The following MRPL45 variants were observed in gnomAD, a reference collection of about 807,000 sequenced individuals.
MRPL45 encodes the protein large ribosomal subunit protein mL45.
A neutral mutation model predicts 38.1 loss-of-function variants in MRPL45; 20 were observed. That is an observed-to-expected ratio of 0.53 (90% CI 0.37 to 0.76). The LOEUF is 0.76. Among genes scored for constraint, MRPL45 ranks in the 30% least tolerant of loss-of-function variants. The pLI is 0.00. For missense variants in MRPL45, 337 were observed against 395.6 expected (o/e 0.85, Z 1.26); for synonymous variants, 105 against 128.8 (o/e 0.82, Z 1.25).
At chr17:38,313,353 T>TATATAC (rs2037142131) in intron 4 of MRPL45, among the ~76,000 whole-genome samples, 2 of 19,086 alleles carry the variant, frequency 1.0e-4, no homozygotes, top group African/African-American at 4.8e-4. Flanking sequence ...TATACGTATA[T>TATATAC]ATATATATAT....
intron 5 of MRPL45, among the ~76,000 whole-genome samples, chr17:38,318,943 T>A (rs2060585963): frequency 6.6e-6 from 1 of 151,198 alleles, no homozygotes; most frequent in Non-Finnish European, 1.5e-5. Flanking sequence ...TTCTCCTGCC[T>A]CATCCTCCCA....
chr17:38,297,344 G>T (rs1396275128), intron 1 of MRPL45, 95 bp downstream of exon 1: 19 of 1,205,836 alleles, frequency 1.6e-5, no homozygotes, highest in Non-Finnish European at 2.2e-5. Context: ...GGTGAGCTGG[G>T]ACAATACGAG....
chr17:38,300,316 G>A (rs901845097), intron 3 of MRPL45, among the ~76,000 whole-genome samples: 21 of 151,452 alleles, frequency 1.4e-4, no homozygotes, highest in Non-Finnish European at 2.7e-4. Flanking sequence ...GCGCCCAGCC[G>A]ACCTGGCTAA....
chr17:38,307,240 T>G (rs374198869), intron 4 of MRPL45, among the ~76,000 whole-genome samples: 4 of 152,096 alleles, frequency 2.6e-5, no homozygotes, highest in African/African-American at 9.7e-5. Context: ...TTCATCATGT[T>G]GGCCAGACTG....
chr17:38,313,362 ATATACG>A (rs1321996437), intron 4 of MRPL45, among the ~76,000 whole-genome samples: 14 of 20,104 alleles, frequency 7.0e-4, no homozygotes, highest in African/African-American at 2.3e-3. Flanking sequence ...ATATATATAT[ATATACG>A]TATATATATA....
intron 5 of MRPL45, among the ~76,000 whole-genome samples, chr17:38,320,279 A>T (rs2037216805): frequency 6.6e-6 from 1 of 152,184 alleles, no homozygotes; most frequent in Admixed American, 6.5e-5. Flanking sequence ...AAGTACATGC[A>T]ATAATTGCCA....
intron 3 of MRPL45, among the ~76,000 whole-genome samples, chr17:38,301,533 G>A (rs1251545957): frequency 6.6e-6 from 1 of 152,004 alleles, no homozygotes; most frequent in Non-Finnish European, 1.5e-5. Context: ...GAGCCACCAC[G>A]CTGGGCTATC....
chr17:38,320,373 G>T (rs1437506967), intron 5 of MRPL45, among the ~76,000 whole-genome samples: 1 of 152,152 alleles, frequency 6.6e-6, no homozygotes, highest in Non-Finnish European at 1.5e-5. Flanking sequence ...TTAAAGAAGG[G>T]TCCTCAAAGA....
Position 38,307,288 on chromosome 17 carries a change from G to A in MRPL45, c.461+657G>A, listed in dbSNP as rs187508761. 2.1e-3 allele frequency among the ~76,000 whole-genome samples: 312 copies of A among 151,172 alleles called. 3 individuals carry two copies. Among genetic ancestry groups the A allele is most frequent in the East Asian group, 1.4e-3 (7 of 5,148 alleles). The stretch of plus-strand genomic sequence containing the variant: ...TGACCTCAGGCAACCTGCCCGCCTC[G>A]GCCTCCCAAAGTGCTAGGATTACAG... On this transcript the variant is annotated intron_variant, in intron 4 of 7. Transcript: ENST00000613675.
intron 4 of MRPL45, among the ~76,000 whole-genome samples, chr17:38,316,695 A>G (rs1184251537): frequency 1.6e-5 from 2 of 126,880 alleles, no homozygotes; most frequent in Non-Finnish European, 3.2e-5. Flanking sequence ...GTAGTCCCAG[A>G]ATCTCACTCT....
At chr17:38,302,639 A>G (rs955653752) in intron 3 of MRPL45, among the ~76,000 whole-genome samples, 2 of 151,598 alleles carry the variant, frequency 1.3e-5, no homozygotes, top group African/African-American at 4.9e-5. Flanking sequence ...GATTTTGTCA[A>G]ATGCTTTTTT....
At chr17:38,321,038 G>A (rs1318903581) in intron 6 of MRPL45, among the ~76,000 whole-genome samples, 2 of 151,958 alleles carry the variant, frequency 1.3e-5, no homozygotes, top group East Asian at 3.9e-4. Flanking sequence ...GTGCAGTGAT[G>A]TGATTGTGGC....
intron 5 of MRPL45, among the ~76,000 whole-genome samples, chr17:38,319,229 G>A (rs2037207265): frequency 6.6e-6 from 1 of 151,884 alleles, no homozygotes; most frequent in African/African-American, 2.4e-5. Context: ...TAGAGACGGG[G>A]TTTCACTGTG....
intron 7 of MRPL45, 87 bp from the exon 8 acceptor site, chr17:38,322,422 G>C: frequency 9.4e-7 from 1 of 1,062,216 alleles, no homozygotes; most frequent in Non-Finnish European, 1.4e-6. Context: ...AAGGCCGGGT[G>C]GGTGGGTGGG....
intron 2 of MRPL45, 122 bp from the exon 3 acceptor site, chr17:38,299,229 G>A: frequency 1.6e-6 from 1 of 635,318 alleles, no homozygotes; most frequent in South Asian, 2.1e-5. Flanking sequence ...CTCTCTACAT[G>A]GAAGTCTGTT....
chr17:38,299,135 G>T (rs573849605), intron 2 of MRPL45, among the ~76,000 whole-genome samples: 50 of 150,530 alleles, frequency 3.3e-4, no homozygotes, highest in Non-Finnish European at 6.5e-4. Context: ...TGATCCGCCC[G>T]CCTCGGCCTC....
At chr17:38,317,207 A>G (rs1356031095) in intron 4 of MRPL45, among the ~76,000 whole-genome samples, 1 of 152,214 alleles carries the variant, frequency 6.6e-6, no homozygotes, top group African/African-American at 2.4e-5. Context: ...CTTCTATGCC[A>G]GGATAGTGGG....
rs1263138732 is a variant in MRPL45 at position 38,318,608 on chromosome 17, A to AT, written c.462-75dup. The stretch of plus-strand genomic sequence containing the variant: ...CATTTGTAAAAATGAATTGTTTTCC[A>AT]TTTTCAGGACCATTTTCAGTCTTCA... On this transcript the variant is annotated intron_variant, in intron 4 of 7. Transcript: ENST00000613675. The AT allele has an allele frequency of 5.6e-6, 6 of 1,063,280 alleles. No individual in the cohort carries two copies. The South Asian group carries it at 7.9e-5, about 14-fold the overall frequency. 65.9% of individuals were successfully genotyped at this position (1,063,280 alleles called of 1,614,324 possible).
chr17:38,298,797 C>T (rs1490964943), intron 2 of MRPL45, among the ~76,000 whole-genome samples, 171 bp downstream of exon 2: 1 of 152,114 alleles, frequency 6.6e-6, no homozygotes, highest in Non-Finnish European at 1.5e-5. Flanking sequence ...TTTGAACTTA[C>T]TTTCACACTG....
Sources: gnomAD v4.1 joint callset for allele counts (sites outside exome capture counted in the v4.1 genomes callset) on GRCh38, gnomAD v4.1.1 for gene constraint, MANE v1.5 for transcripts, NCBI Gene and HGNC (gene_info 2026-07-23, HGNC 2026-07-21) for gene names.